PDE10A: variants seen among roughly 807,000 people sequenced by gnomAD.
PDE10A encodes the protein cAMP and cAMP-inhibited cGMP 3',5'-cyclic phosphodiesterase 10A.
PDE10A carries 39 observed loss-of-function variants against 97.7 expected under a neutral mutation model. The observed-to-expected ratio is 0.40, with a 90% CI of 0.31 to 0.52. The LOEUF (loss-of-function observed/expected upper bound fraction) is 0.52. Ranked by LOEUF, PDE10A falls within the 20% of genes least tolerant of loss-of-function variation. PDE10A has a pLI of 0.56. For synonymous variants in PDE10A, 371 were observed against 376.8 expected, an observed-to-expected ratio of 0.98 and a Z score of 0.18; for missense variants, 731 against 1,047.8, an observed-to-expected ratio of 0.70 and a Z score of 4.17.
At chr6:165,386,776 G>A (rs1001583678) in intron 17 of PDE10A, among the ~76,000 whole-genome samples, 1 of 151,844 alleles carries the variant, frequency 6.6e-6, no homozygotes. Context: ...GCTGAGGCGG[G>A]CGGATCACAA....
intron 2 of PDE10A, among the ~76,000 whole-genome samples, chr6:165,509,843 T>C (rs920954219): frequency 1.3e-5 from 2 of 152,042 alleles, no homozygotes; most frequent in Admixed American, 6.6e-5. Flanking sequence ...TTTATAGCTA[T>C]TGTAAATGGG....
At chr6:165,343,272 G>T (rs1347268190) in intron 19 of PDE10A, 119 bp downstream of exon 19, 7 of 717,816 alleles carry the variant, frequency 9.8e-6, no homozygotes, top group East Asian at 2.7e-5. Context: ...TTCAGTATGT[G>T]ACTCACCACA....
intron 1 of PDE10A, among the ~76,000 whole-genome samples, chr6:165,746,011 T>A (rs1792835159): frequency 6.6e-6 from 1 of 152,246 alleles, no homozygotes; most frequent in Admixed American, 6.5e-5. Flanking sequence ...TATTTCTGTA[T>A]GTCTGAAATA....
At chr6:165,725,879 C>T (rs1792281828) in intron 1 of PDE10A, among the ~76,000 whole-genome samples, 1 of 152,088 alleles carries the variant, frequency 6.6e-6, no homozygotes, top group Admixed American at 6.6e-5. Context: ...TTCAATGTGG[C>T]AGTTTCTTTA....
In PDE10A at chr6:165,567,927, C is replaced by T. The variant is rs151145097; in HGVS notation, c.866-24359G>A. On this transcript the variant is annotated intron_variant, in intron 1 of 21. Coordinates refer to ENST00000539869, the MANE Select transcript of PDE10A (RefSeq NM_001385079.1). ...TCTTATTTCTTTGGAAGCCAATAGT[C>T]TCTACTTACCTTTGTAACATCTGCC... 4.2e-3 allele frequency among the ~76,000 whole-genome samples: 639 copies of T among 150,804 alleles called. 4 individuals carry two copies. The highest frequency in any genetic ancestry group is 0.015 in the African/African-American group (604 of 41,120).
At chr6:165,795,136 C>G (rs1778795275) in intron 1 of PDE10A, among the ~76,000 whole-genome samples, 1 of 152,190 alleles carries the variant, frequency 6.6e-6, no homozygotes, top group East Asian at 1.9e-4. Context: ...GGGACCTGAA[C>G]TGACTTTTCT....
chr6:165,716,754 G>A (rs1792035369), intron 1 of PDE10A, among the ~76,000 whole-genome samples: 1 of 152,208 alleles, frequency 6.6e-6, no homozygotes, highest in African/African-American at 2.4e-5. Context: ...ATGGCTCTGA[G>A]TGTCTAAATG....
chr6:165,787,778 G>A (rs1442525416), intron 1 of PDE10A, among the ~76,000 whole-genome samples: 2 of 152,098 alleles, frequency 1.3e-5, no homozygotes, highest in Non-Finnish European at 2.9e-5. Context: ...TCAGAAGAGC[G>A]GCTAATAGTT....
chr6:165,375,215 G>T (rs1462614548), intron 18 of PDE10A, among the ~76,000 whole-genome samples: 3 of 152,170 alleles, frequency 2.0e-5, no homozygotes, highest in Admixed American at 6.5e-5. Context: ...ACTTAGGAAG[G>T]CACATCTAAA....
intron 17 of PDE10A, among the ~76,000 whole-genome samples, chr6:165,383,824 A>G (rs927198402): frequency 6.6e-6 from 1 of 152,182 alleles, no homozygotes; most frequent in Non-Finnish European, 1.5e-5. Flanking sequence ...GGCGCTATGT[A>G]AAAGGGGGCA....
intron 2 of PDE10A, among the ~76,000 whole-genome samples, chr6:165,541,856 A>G (rs1416408427): frequency 6.6e-6 from 1 of 152,176 alleles, no homozygotes; most frequent in African/African-American, 2.4e-5. Context: ...ACATACAAAC[A>G]CATTCACATA....
At chr6:165,522,849 G>C (rs1028527599) in intron 2 of PDE10A, among the ~76,000 whole-genome samples, 2 of 152,064 alleles carry the variant, frequency 1.3e-5, no homozygotes, top group Non-Finnish European at 2.9e-5. Flanking sequence ...CATCACTGAT[G>C]ATATAATTCT....
At chr6:165,903,498 G>C (rs962515640) in intron 1 of PDE10A, among the ~76,000 whole-genome samples, 1 of 152,168 alleles carries the variant, frequency 6.6e-6, no homozygotes, top group Non-Finnish European at 1.5e-5. Flanking sequence ...GCCACATATT[G>C]AGACTAGGAG....
intron 1 of PDE10A, among the ~76,000 whole-genome samples, chr6:165,812,080 C>T (rs1007908387): frequency 2.0e-5 from 3 of 152,132 alleles, no homozygotes; most frequent in Non-Finnish European, 4.4e-5. Context: ...TCTTGATCTC[C>T]TGACCTCATG....
At position 165,611,833 on chromosome 6, in the gene PDE10A, A is replaced by G. The variant is rs544375584; in HGVS notation, c.865+50114T>C. 8.5e-5 allele frequency among the ~76,000 whole-genome samples: 13 copies of G among 152,378 alleles called. No homozygotes were observed. In the South Asian group the frequency reaches 1.9e-3, roughly 22 times the overall value. ...TTCAGGTTTGATCTCCTTCGTTCAG[A>G]ATCAACTCTCTTATTCAGCCAGTGA... On this transcript the variant is annotated intron_variant, in intron 1 of 21. Coordinates refer to ENST00000539869, the MANE Select transcript of PDE10A (RefSeq NM_001385079.1).
At chr6:165,930,170 G>A (rs1263326970) in intron 1 of PDE10A, among the ~76,000 whole-genome samples, 1 of 152,210 alleles carries the variant, frequency 6.6e-6, no homozygotes, top group East Asian at 1.9e-4. Context: ...GAGGGTGGCA[G>A]GTGGGAAGGT....
intron 1 of PDE10A, among the ~76,000 whole-genome samples, chr6:165,857,306 T>A (rs972813942): frequency 1.3e-5 from 2 of 152,214 alleles, no homozygotes; most frequent in African/African-American, 4.8e-5. Context: ...ACTGGGACTT[T>A]CTTATAGCAA....
chr6:165,734,828 T>C (rs1042692304), intron 1 of PDE10A, among the ~76,000 whole-genome samples: 3 of 152,186 alleles, frequency 2.0e-5, no homozygotes, highest in African/African-American at 7.2e-5. Flanking sequence ...AACAGATAAT[T>C]TTAAATATTG....
chr6:165,892,870 G>A (rs775772148), intron 1 of PDE10A, among the ~76,000 whole-genome samples: 23 of 152,242 alleles, frequency 1.5e-4, no homozygotes, highest in Admixed American at 6.5e-5. Context: ...GAGAGGAATC[G>A]AGGCATTGAG....
Sources: gnomAD v4.1 joint callset for allele counts (sites outside exome capture counted in the v4.1 genomes callset) on GRCh38, gnomAD v4.1.1 for gene constraint, MANE v1.5 for transcripts, NCBI Gene and HGNC (gene_info 2026-07-23, HGNC 2026-07-21) for gene names.